The following KDM4B variants were observed in gnomAD, a reference collection of about 807,000 sequenced individuals.
KDM4B encodes the protein lysine-specific demethylase 4B.
Under a neutral mutation model 125.2 loss-of-function variants are expected in KDM4B, and 32 were observed. The observed-to-expected ratio is 0.26, with a 90% CI of 0.19 to 0.34. KDM4B has a LOEUF of 0.34. KDM4B is among the 10% of genes least tolerant of loss of function. The pLI is 1.00. For missense variants in KDM4B, 1,190 were observed against 1,577.7 expected, an observed-to-expected ratio of 0.75 and a Z score of 4.16; for synonymous variants, 721 against 677.9, an observed-to-expected ratio of 1.06 and a Z score of -0.99.
intron 6 of KDM4B, among the ~76,000 whole-genome samples, chr19:5,051,266 T>C (rs2145724814): frequency 6.6e-6 from 1 of 152,100 alleles, no homozygotes; most frequent in Non-Finnish European, 1.5e-5. Flanking sequence ...AAGAAGAGAG[T>C]GGAGTGGCCA....
intron 9 of KDM4B, among the ~76,000 whole-genome samples, chr19:5,088,266 C>T (rs372752378): frequency 3.3e-5 from 5 of 152,324 alleles, no homozygotes; most frequent in African/African-American, 1.2e-4. Flanking sequence ...AGCACGGTTC[C>T]ATCAGCCAGA....
At chr19:5,069,672 G>A (rs1045140749) in intron 6 of KDM4B, among the ~76,000 whole-genome samples, 2 of 152,136 alleles carry the variant, frequency 1.3e-5, no homozygotes, top group Admixed American at 6.5e-5. Context: ...GGAGTGCAGT[G>A]GCACCATCTT....
intron 11 of KDM4B, among the ~76,000 whole-genome samples, chr19:5,130,366 C>A (rs910902392): frequency 2.6e-5 from 4 of 151,986 alleles, no homozygotes; most frequent in African/African-American, 9.7e-5. Context: ...ACTGCAAACC[C>A]GTCCTGGCCC....
At chr19:5,096,693 G>A (rs555301563) in intron 9 of KDM4B, among the ~76,000 whole-genome samples, 14 of 147,812 alleles carry the variant, frequency 9.5e-5, no homozygotes, top group African/African-American at 3.3e-4. Context: ...CGGCGGTGTC[G>A]GTGGCGCGTG....
chr19:4,979,430 C>T (rs7248309), intron 1 of KDM4B, among the ~76,000 whole-genome samples: 11,140 of 152,232 alleles, frequency 0.073, 1,241 homozygotes, highest in African/African-American at 0.24. Context: ...GAGGAAGTAG[C>T]GAGAGGAACT....
At chr19:4,969,674 C>T (rs1344194460) in intron 1 of KDM4B, among the ~76,000 whole-genome samples, 2 of 152,046 alleles carry the variant, frequency 1.3e-5, no homozygotes, top group African/African-American at 2.4e-5. Flanking sequence ...GACCCCAGCC[C>T]CTGGGTAACC....
chr19:5,039,452 C>G (rs374318768), intron 3 of KDM4B, among the ~76,000 whole-genome samples: 12 of 149,100 alleles, frequency 8.0e-5, no homozygotes, highest in Middle Eastern at 3.4e-3. Flanking sequence ...GACCCTGTCT[C>G]AACAACAACA....
intron 11 of KDM4B, among the ~76,000 whole-genome samples, chr19:5,128,784 C>T (rs1162229960): frequency 6.9e-6 from 1 of 145,374 alleles, no homozygotes; most frequent in African/African-American, 2.5e-5. Flanking sequence ...CCACGCCAGC[C>T]TGTCTGCTGT....
intron 4 of KDM4B, 131 bp from the exon 5 acceptor site, chr19:5,041,006 G>A (rs564100459): frequency 8.4e-5 from 48 of 572,260 alleles, no homozygotes; most frequent in African/African-American, 5.7e-4. Context: ...TACCCTAGGC[G>A]GGGCAGCGGG....
At chr19:4,978,164 G>A (rs1428234835) in intron 1 of KDM4B, among the ~76,000 whole-genome samples, 3 of 152,114 alleles carry the variant, frequency 2.0e-5, no homozygotes, top group African/African-American at 7.2e-5. Context: ...GCTTCCCCCA[G>A]GAAGGGGGGA....
chr19:5,044,228 T>C lies in KDM4B; in HGVS notation c.432+2977T>C, dbSNP rs2531136. ...GTGGGGGTGTCCACCTTATCCCGCG[T>C]GGTGTTTATCGGAGTGGGGTGTCCA... On this transcript the variant is annotated intron_variant, in intron 5 of 22. Coordinates refer to ENST00000159111, the MANE Select transcript of KDM4B (RefSeq NM_015015.3). 6.6e-3 allele frequency among the ~76,000 whole-genome samples: 162 copies of C among 24,368 alleles called. 9 individuals are homozygous for C. The South Asian group carries it at 0.092, about 14-fold the overall frequency. 16.0% of individuals were successfully genotyped at this position (24,368 alleles called of 152,430 possible). A position where few individuals can be genotyped will look rare whatever the true frequency, so the allele number is the denominator to read the frequency against.
chr19:4,969,736 C>G (rs1000687603), intron 1 of KDM4B, among the ~76,000 whole-genome samples: 4 of 151,934 alleles, frequency 2.6e-5, no homozygotes, highest in African/African-American at 9.7e-5. Flanking sequence ...GGGGAAGCCC[C>G]CCAGCTGGAC....
At chr19:5,042,829 G>T (rs998334085) in intron 5 of KDM4B, among the ~76,000 whole-genome samples, 3 of 151,626 alleles carry the variant, frequency 2.0e-5, no homozygotes, top group Admixed American at 6.6e-5. Flanking sequence ...CCCCACCGCC[G>T]ACACCGGGAC....
chr19:5,051,129 C>G (rs1188158096), intron 6 of KDM4B, among the ~76,000 whole-genome samples: 4 of 152,192 alleles, frequency 2.6e-5, no homozygotes, highest in Admixed American at 2.6e-4. Flanking sequence ...CCAGCAGCAT[C>G]ACATGCCACA....
At chr19:5,090,194 G>A (rs1007770837) in intron 9 of KDM4B, among the ~76,000 whole-genome samples, 1 of 152,128 alleles carries the variant, frequency 6.6e-6, no homozygotes, top group Non-Finnish European at 1.5e-5. Context: ...GGGTCTGCCA[G>A]GGAGAGGTGA....
At chr19:5,106,138 T>C (rs2039029007) in intron 9 of KDM4B, among the ~76,000 whole-genome samples, 1 of 152,206 alleles carries the variant, frequency 6.6e-6, no homozygotes, top group African/African-American at 2.4e-5. Context: ...CCTGAGGACG[T>C]TTCTGTCATT....
At chr19:5,077,716 T>G in intron 8 of KDM4B, 1 of 469,484 alleles carries the variant, frequency 2.1e-6, no homozygotes, top group Non-Finnish European at 3.8e-6. Flanking sequence ...AACCAAAACT[T>G]CCTCCTGGGT....
chr19:5,143,922 A>G, intron 18 of KDM4B, 45 bp from the exon 19 acceptor site: 1 of 1,475,172 alleles, frequency 6.8e-7, no homozygotes, highest in East Asian at 2.3e-5. Flanking sequence ...CAGGGTCCCT[A>G]GGGAAGCTCG....
At chr19:5,147,474 G>A (rs536393010) in intron 21 of KDM4B, among the ~76,000 whole-genome samples, 5 of 152,278 alleles carry the variant, frequency 3.3e-5, no homozygotes, top group Admixed American at 1.3e-4. Context: ...AGCCAGGCGC[G>A]GGGGCTCATG....
Sources: gnomAD v4.1 joint callset for allele counts (sites outside exome capture counted in the v4.1 genomes callset) on GRCh38, gnomAD v4.1.1 for gene constraint, MANE v1.5 for transcripts, NCBI Gene and HGNC (gene_info 2026-07-23, HGNC 2026-07-21) for gene names.